The following LINGO2 variants were observed in gnomAD, a reference collection of about 807,000 sequenced individuals.
The protein encoded by LINGO2 is leucine-rich repeat and immunoglobulin-like domain-containing nogo receptor-interacting protein 2.
In LINGO2, 14 loss-of-function variants were observed where a neutral mutation model predicts 30.6. That is an observed-to-expected ratio of 0.46 (90% CI 0.30 to 0.72). LINGO2 has a LOEUF of 0.72. LINGO2 is among the 30% of genes least tolerant of loss of function. The pLI, the probability that LINGO2 is intolerant of heterozygous loss-of-function variation, is 0.07. For missense variants in LINGO2, 729 were observed against 751.7 expected (o/e 0.97, Z 0.35); for synonymous variants, 317 against 288.5 (o/e 1.10, Z -1.00).
the LINGO2 span, among the ~76,000 whole-genome samples, chr9:28,752,794 A>C: frequency 2.0e-5 from 3 of 152,034 alleles, no homozygotes; most frequent in African/African-American, 7.3e-5. Flanking sequence ...ACAGAAAAAA[A>C]GTGATGACAC....
At chr9:29,004,207 C>A in the LINGO2 span, among the ~76,000 whole-genome samples, 2 of 151,690 alleles carry the variant, frequency 1.3e-5, no homozygotes, top group African/African-American at 4.8e-5. Flanking sequence ...CTCATTTTAC[C>A]CTTTATATGT....
chr9:28,400,185 T>G (rs1270233201), intron 2 of LINGO2, among the ~76,000 whole-genome samples: 1 of 152,176 alleles, frequency 6.6e-6, no homozygotes, highest in Non-Finnish European at 1.5e-5. Context: ...CTTTGCACTA[T>G]AGCCTATTTT....
intron 4 of LINGO2, among the ~76,000 whole-genome samples, chr9:28,155,110 T>C (rs909156388): frequency 6.6e-6 from 1 of 152,162 alleles, no homozygotes; most frequent in Non-Finnish European, 1.5e-5. Flanking sequence ...ATAAGGAAAA[T>C]ATGCAAGCAA....
chr9:28,645,872 C>T lies in LINGO2; in HGVS notation c.-365+24328G>A, dbSNP rs544777148. Among the ~76,000 whole-genome samples, 24 of 152,134 alleles carry T rather than the reference C, an allele frequency of 1.6e-4. 1 individual carries two copies. Among genetic ancestry groups the T allele is most frequent in the Non-Finnish European group, 2.8e-4 (19 of 67,976 alleles). The stretch of plus-strand genomic sequence containing the variant: ...TTAGGCAACTGTCTTGAAGGCAGTG[C>T]GCAGATTGATTAGAGTACCGTGCTT... On this transcript the variant is annotated intron_variant, in intron 1 of 5. Coordinates refer to ENST00000379992, the Ensembl canonical transcript of LINGO2.
At chr9:28,109,391 C>A (rs1268508027) in intron 4 of LINGO2, among the ~76,000 whole-genome samples, 1 of 152,072 alleles carries the variant, frequency 6.6e-6, no homozygotes, top group African/African-American at 2.4e-5. Context: ...GAAGTTCTGG[C>A]CAGGACAATC....
At chr9:28,091,088 T>G (rs1826069784) in intron 4 of LINGO2, among the ~76,000 whole-genome samples, 1 of 152,158 alleles carries the variant, frequency 6.6e-6, no homozygotes, top group Admixed American at 6.5e-5. Flanking sequence ...TGGAAGAACA[T>G]TCCATGCTCA....
At chr9:28,712,074 A>G in the LINGO2 span, among the ~76,000 whole-genome samples, 3 of 152,236 alleles carry the variant, frequency 2.0e-5, no homozygotes, top group East Asian at 5.8e-4. Context: ...GATTTAAGAA[A>G]TACTCTACAT....
intron 1 of LINGO2, among the ~76,000 whole-genome samples, chr9:28,591,652 G>A (rs1824919377): frequency 6.6e-6 from 1 of 152,064 alleles, no homozygotes; most frequent in Admixed American, 6.6e-5. Context: ...TGAAGGTTGG[G>A]AACGCGGCAC....
chr9:28,344,336 GAT>G (rs1819484968), intron 3 of LINGO2, among the ~76,000 whole-genome samples: 2 of 152,156 alleles, frequency 1.3e-5, no homozygotes, highest in South Asian at 4.1e-4. Context: ...GCAAAACAGG[GAT>G]TTAAAGAAGC....
At chr9:28,592,501 C>A (rs1292934580) in intron 1 of LINGO2, among the ~76,000 whole-genome samples, 2 of 152,000 alleles carry the variant, frequency 1.3e-5, no homozygotes, top group Non-Finnish European at 2.9e-5. Flanking sequence ...TGTGTTGTAG[C>A]GAGATGGCTG....
chr9:29,126,858 C>A, the LINGO2 span, among the ~76,000 whole-genome samples: 1 of 152,060 alleles, frequency 6.6e-6, no homozygotes, highest in Non-Finnish European at 1.5e-5. Context: ...AGGAAAACCT[C>A]AACTTTCCAC....
chr9:28,466,621 G>A (rs1173523347), intron 2 of LINGO2, among the ~76,000 whole-genome samples: 2 of 152,060 alleles, frequency 1.3e-5, no homozygotes, highest in Non-Finnish European at 2.9e-5. Flanking sequence ...GTAATACAAA[G>A]GATAGATGCT....
At chr9:28,649,946 A>C (rs970502728) in intron 1 of LINGO2, among the ~76,000 whole-genome samples, 1 of 152,026 alleles carries the variant, frequency 6.6e-6, no homozygotes, top group African/African-American at 2.4e-5. Flanking sequence ...GGTCAGTATG[A>C]AAAACTAAAG....
chr9:28,827,007 C>A, the LINGO2 span, among the ~76,000 whole-genome samples: 3 of 152,114 alleles, frequency 2.0e-5, no homozygotes. Context: ...AGTGTCTATC[C>A]ATGATTAAAA....
intron 5 of LINGO2, among the ~76,000 whole-genome samples, chr9:27,972,624 C>T (rs946508331): frequency 6.6e-6 from 1 of 152,184 alleles, no homozygotes; most frequent in South Asian, 2.1e-4. Flanking sequence ...GACCAATTTA[C>T]AGACTAAAGG....
chr9:28,756,663 G>A, the LINGO2 span, among the ~76,000 whole-genome samples: 175 of 152,060 alleles, frequency 1.2e-3, no homozygotes, highest in Middle Eastern at 6.8e-3. Flanking sequence ...CATAGGGTTG[G>A]TTTCCCCCAT....
At chr9:28,724,205 T>G in the LINGO2 span, among the ~76,000 whole-genome samples, 1 of 152,130 alleles carries the variant, frequency 6.6e-6, no homozygotes, top group Admixed American at 6.5e-5. Context: ...AACCACTGTT[T>G]CTTGAGTTCT....
At chr9:28,796,582 G>A in the LINGO2 span, among the ~76,000 whole-genome samples, 1 of 151,972 alleles carries the variant, frequency 6.6e-6, no homozygotes, top group Non-Finnish European at 1.5e-5. Context: ...ACTGAAAATA[G>A]GAAGGTGTCA....
chr9:28,342,341 C>T (rs1825795170), intron 3 of LINGO2, among the ~76,000 whole-genome samples: 1 of 152,100 alleles, frequency 6.6e-6, no homozygotes, highest in Non-Finnish European at 1.5e-5. Context: ...TACATATAGA[C>T]AGAAAAGAAA....
Sources: gnomAD v4.1 joint callset for allele counts (sites outside exome capture counted in the v4.1 genomes callset) on GRCh38, gnomAD v4.1.1 for gene constraint, MANE v1.5 for transcripts, NCBI Gene and HGNC (gene_info 2026-07-23, HGNC 2026-07-21) for gene names.